ADGRL3: variants seen among roughly 807,000 people sequenced by gnomAD.
ADGRL3 encodes the protein adhesion G protein-coupled receptor L3, also known as calcium-independent alpha-latrotoxin receptor 3.
A neutral mutation model predicts 153.5 loss-of-function variants in ADGRL3; 62 were observed. The ratio of observed to expected loss-of-function variants is 0.40; its 90% CI spans 0.33 to 0.50. The LOEUF (loss-of-function observed/expected upper bound fraction) is 0.50, where lower values mean the gene tolerates loss of function less well. Ranked by LOEUF, ADGRL3 falls within the 20% of genes least tolerant of loss-of-function variation. The pLI is 0.47. For missense variants in ADGRL3, 1,641 were observed against 1,859.4 expected (o/e 0.88, Z 2.16); for synonymous variants, 710 against 672.5 (o/e 1.06, Z -0.86).
chr4:61,780,200 A>G (rs1181198140), intron 8 of ADGRL3, among the ~76,000 whole-genome samples: 1 of 152,222 alleles, frequency 6.6e-6, no homozygotes, highest in Admixed American at 6.5e-5. Context: ...GTGTCCTCAC[A>G]GAATTACTGC....
intron 13 of ADGRL3, among the ~76,000 whole-genome samples, chr4:61,928,437 G>T (rs79496289): frequency 0.072 from 10,903 of 152,090 alleles, 425 homozygotes; most frequent in Middle Eastern, 0.088. Context: ...CTTTTGTACT[G>T]TATGCTGTGG....
In ADGRL3 at chr4:61,245,275, T is replaced by G. The variant is rs141750367; in HGVS notation, c.-240+43510T>G. On this transcript the variant is annotated intron_variant, in intron 1 of 26. Coordinates refer to ENST00000683033, the MANE Select transcript of ADGRL3 (RefSeq NM_001387552.1). Reference sequence around the variant, plus strand: ...CTTGAGTACTGCTCAGCAAATCCTTTCCCCTGTCTCCCAGGCAGCTCCCTT... The same window carrying G: ...CTTGAGTACTGCTCAGCAAATCCTTGCCCCTGTCTCCCAGGCAGCTCCCTT... Among the ~76,000 whole-genome samples the G allele has an allele frequency of 7.1e-3, 1,077 of 152,164 alleles. 7 individuals are homozygous for G. The highest frequency in any genetic ancestry group is 0.02 in the Middle Eastern group (6 of 294).
At chr4:61,482,252 C>T (rs1247523747) in intron 2 of ADGRL3, among the ~76,000 whole-genome samples, 3 of 152,156 alleles carry the variant, frequency 2.0e-5, no homozygotes, top group Non-Finnish European at 2.9e-5. Flanking sequence ...GTTGCTTCAA[C>T]ACTTTTCATT....
chr4:61,399,359 G>A lies in ADGRL3; in HGVS notation c.-174+16170G>A, dbSNP rs76317596. 9.5e-3 allele frequency among the ~76,000 whole-genome samples: 1,441 copies of A among 151,630 alleles called. 8 individuals carry two copies. Among genetic ancestry groups the A allele is most frequent in the Non-Finnish European group, 0.013 (874 of 67,644 alleles). Reference sequence around the variant, plus strand: ...TTTAGCCATAACTTTGAAAGTTTACGTTAAGATACATCTTAAAAACAAAAT... The same window carrying A: ...TTTAGCCATAACTTTGAAAGTTTACATTAAGATACATCTTAAAAACAAAAT... On this transcript the variant is annotated intron_variant, in intron 2 of 26. Coordinates refer to ENST00000683033, the MANE Select transcript of ADGRL3 (RefSeq NM_001387552.1).
chr4:61,288,140 C>T (rs2094016506), intron 1 of ADGRL3, among the ~76,000 whole-genome samples: 1 of 151,872 alleles, frequency 6.6e-6, no homozygotes, highest in Non-Finnish European at 1.5e-5. Context: ...ACTGAGAAAA[C>T]TGTTTTATGC....
intron 8 of ADGRL3, among the ~76,000 whole-genome samples, chr4:61,783,459 T>C (rs1157113382): frequency 1.3e-5 from 2 of 152,204 alleles, no homozygotes; most frequent in East Asian, 3.9e-4. Flanking sequence ...TTAAAGCCAA[T>C]AGAAGTTAGA....
chr4:61,587,458 T>C lies in ADGRL3; in HGVS notation c.473+18T>C. ...TCTCAAAGGTATGATACTTCTAATATTCTTTTCTTTGTGCACAATATAAAC... is the reference window on the plus strand; with the variant it reads ...TCTCAAAGGTATGATACTTCTAATACTCTTTTCTTTGTGCACAATATAAAC... On this transcript the variant is annotated intron_variant, in intron 5 of 26. Coordinates refer to ENST00000683033, the MANE Select transcript of ADGRL3 (RefSeq NM_001387552.1). The C allele has an allele frequency of 6.4e-7, 1 of 1,555,464 alleles. No individual in the cohort carries two copies. Among genetic ancestry groups the C allele is most frequent in the Non-Finnish European group, 8.8e-7 (1 of 1,130,632 alleles).
chr4:61,280,249 A>G (rs1296174982), intron 1 of ADGRL3, among the ~76,000 whole-genome samples: 1 of 151,366 alleles, frequency 6.6e-6, no homozygotes, highest in South Asian at 2.1e-4. Context: ...AGCTGGGACT[A>G]CAGGAGCACG....
At chr4:61,287,475 T>G (rs1011499578) in intron 1 of ADGRL3, among the ~76,000 whole-genome samples, 2 of 151,974 alleles carry the variant, frequency 1.3e-5, no homozygotes, top group African/African-American at 4.8e-5. Flanking sequence ...CAACGAGGGA[T>G]AAGAGATCAT....
chr4:61,757,359 G>T (rs978999340), intron 8 of ADGRL3, among the ~76,000 whole-genome samples: 1 of 152,158 alleles, frequency 6.6e-6, no homozygotes, highest in Non-Finnish European at 1.5e-5. Flanking sequence ...GAGGGTGTAT[G>T]TGTTGAGGAA....
intron 1 of ADGRL3, among the ~76,000 whole-genome samples, chr4:61,291,200 A>ACG (rs1560433432): frequency 1.7e-5 from 2 of 116,692 alleles, no homozygotes; most frequent in Non-Finnish European, 3.7e-5. Flanking sequence ...ACACACACAC[A>ACG]CACACACACA....
chr4:61,976,507 A>C (rs1418479032), intron 17 of ADGRL3, among the ~76,000 whole-genome samples: 1 of 152,204 alleles, frequency 6.6e-6, no homozygotes, highest in East Asian at 1.9e-4. Context: ...AAAATAATGC[A>C]AGAAAAGCAA....
intron 1 of ADGRL3, among the ~76,000 whole-genome samples, chr4:61,346,665 C>T (rs534124399): frequency 3.3e-5 from 5 of 150,682 alleles, no homozygotes; most frequent in Middle Eastern, 3.5e-3. Context: ...GTCCCGGCTA[C>T]TCTGAAGGCT....
chr4:61,969,022 A>G (rs979353129), intron 17 of ADGRL3, among the ~76,000 whole-genome samples: 1 of 152,088 alleles, frequency 6.6e-6, no homozygotes, highest in African/African-American at 2.4e-5. Context: ...GCATGATTCA[A>G]CGTATCATTT....
intron 4 of ADGRL3, among the ~76,000 whole-genome samples, chr4:61,569,503 C>T (rs912054590): frequency 6.6e-6 from 1 of 152,132 alleles, no homozygotes; most frequent in African/African-American, 2.4e-5. Context: ...GAAGCTTAGG[C>T]AGCAGGATTA....
intron 1 of ADGRL3, among the ~76,000 whole-genome samples, chr4:61,249,627 G>C (rs575222696): frequency 6.6e-6 from 1 of 152,000 alleles, no homozygotes; most frequent in Non-Finnish European, 1.5e-5. Context: ...TCCACACAAC[G>C]CTCATGTATC....
chr4:61,355,474 G>A (rs2096146040), intron 1 of ADGRL3, among the ~76,000 whole-genome samples: 1 of 151,974 alleles, frequency 6.6e-6, no homozygotes, highest in Non-Finnish European at 1.5e-5. Context: ...TGCAACTATT[G>A]TTCTTGGTCT....
At chr4:62,043,713 T>G (rs982330854) in intron 24 of ADGRL3, among the ~76,000 whole-genome samples, 1 of 151,926 alleles carries the variant, frequency 6.6e-6, no homozygotes, top group African/African-American at 2.4e-5. Flanking sequence ...CTCAGTAAAC[T>G]GATATAACAG....
At chr4:61,552,261 C>G (rs2098743790) in intron 4 of ADGRL3, among the ~76,000 whole-genome samples, 1 of 152,098 alleles carries the variant, frequency 6.6e-6, no homozygotes, top group Non-Finnish European at 1.5e-5. Context: ...CAGTTGCTTT[C>G]TTTACTTTTT....
Sources: allele counts gnomAD v4.1 joint callset (sites outside exome capture counted in the v4.1 genomes callset), GRCh38; gene constraint gnomAD v4.1.1; transcripts MANE v1.5; gene names NCBI Gene and HGNC (gene_info 2026-07-23, HGNC 2026-07-21).